Variants in KDM7A observed in about 807,000 individuals in gnomAD.
KDM7A encodes lysine-specific demethylase 7A.
A neutral mutation model predicts 114.8 loss-of-function variants in KDM7A; 28 were observed. The ratio of observed to expected loss-of-function variants is 0.24; its 90% confidence interval spans 0.18 to 0.33. The LOEUF is 0.33. Ranked by LOEUF, KDM7A falls within the 10% of genes least tolerant of loss-of-function variation. KDM7A has a pLI of 1.00. For synonymous variants in KDM7A, 423 were observed against 397.8 expected (o/e 1.06, Z -0.75); for missense variants, 942 against 1,142.5 (o/e 0.82, Z 2.53).
In KDM7A at chr7:140,113,544, C is replaced by T; in HGVS notation, c.1285G>A (p.Val429Ile). Residue 429 changes from valine to isoleucine, a missense_variant, in exon 10 of 20, where the codon GTA (valine) becomes ATA (isoleucine). Transcript: ENST00000397560. ...GTATGCAGTGCTTTCACTCCCTGTA[C>T]TAGGTAAGTTTGAGGCTGGAAACCA... is the stretch of plus-strand genomic sequence containing the variant. ...EDGFQPQTYL[V>I]QGVKALHTAL... 6.2e-7 allele frequency: 1 copy of T among 1,607,454 alleles called. No homozygotes were observed. Among genetic ancestry groups the T allele is most frequent in the Non-Finnish European group, 8.5e-7 (1 of 1,175,382 alleles).
At chr7:140,106,842 G>T (rs538082054) in intron 11 of KDM7A, among the ~76,000 whole-genome samples, 1 of 152,266 alleles carries the variant, frequency 6.6e-6, no homozygotes, top group South Asian at 2.1e-4. Context: ...GGATATTCTT[G>T]TTAACTTTCT....
chr7:140,141,809 G>A (rs527652179), intron 1 of KDM7A, among the ~76,000 whole-genome samples: 161 of 151,350 alleles, frequency 1.1e-3, no homozygotes, highest in African/African-American at 3.6e-3. Flanking sequence ...CAGGAGAATC[G>A]CTTGAACCCA....
intron 6 of KDM7A, among the ~76,000 whole-genome samples, chr7:140,126,423 T>C (rs1315019678): frequency 6.7e-6 from 1 of 148,286 alleles, no homozygotes; most frequent in Non-Finnish European, 1.5e-5. Context: ...GTAAATCTAA[T>C]ATAAATTTAA....
At chr7:140,170,717 T>TA (rs1794629350) in intron 1 of KDM7A, among the ~76,000 whole-genome samples, 2 of 152,200 alleles carry the variant, frequency 1.3e-5, no homozygotes, top group Admixed American at 1.3e-4. Context: ...TGAGATTCGA[T>TA]ATTTATCTCT....
chr7:140,129,601 G>T lies in KDM7A; in HGVS notation c.451C>A (p.Leu151Met). The stretch of plus-strand genomic sequence containing the variant: ...GGGACATCAAATCCATGTTTCTCCA[G>T]ATATCTTTGTGTCAGCTGGCTGCCA... ...MHGSQLTQRY[L>M]EKHGFDVPIM... Residue 151 changes from leucine to methionine, a missense_variant, in exon 4 of 20, where the codon CTG becomes ATG. This residue lies in a region of KDM7A where 318 missense variants were observed against 453.1 expected (regional missense o/e 0.70). Coordinates refer to ENST00000397560, the MANE Select transcript of KDM7A (RefSeq NM_030647.2). 6.2e-7 allele frequency: 1 copy of T among 1,610,674 alleles called. No homozygotes were observed. The highest frequency in any genetic ancestry group is 8.5e-7 in the Non-Finnish European group (1 of 1,177,036).
chr7:140,167,362 C>A (rs10952576), intron 1 of KDM7A, among the ~76,000 whole-genome samples: 38,736 of 152,026 alleles, frequency 0.25, 5,215 homozygotes, highest in Middle Eastern at 0.31. Context: ...ACTACAAAAG[C>A]CTCTGTAATT....
At chr7:140,098,787 T>C (rs1197138801) in intron 14 of KDM7A, 92 bp downstream of exon 14, 2 of 1,160,160 alleles carry the variant, frequency 1.7e-6, no homozygotes, top group African/African-American at 3.1e-5. Context: ...TCTGCTATTT[T>C]AAACTTAAGA....
intron 1 of KDM7A, among the ~76,000 whole-genome samples, chr7:140,160,842 A>G (rs1264674665): frequency 6.6e-6 from 1 of 152,198 alleles, no homozygotes; most frequent in Non-Finnish European, 1.5e-5. Context: ...AGCGCTGACT[A>G]CTTGGCATTT....
At chr7:140,134,559 CTTTT>C (rs536958807) in intron 2 of KDM7A, among the ~76,000 whole-genome samples, 1 of 145,392 alleles carries the variant, frequency 6.9e-6, no homozygotes, top group Non-Finnish European at 1.5e-5. Flanking sequence ...TGTTTTAAAT[CTTTT>C]TTTTTTTTAA....
chr7:140,156,340 G>A (rs180779979), intron 1 of KDM7A, among the ~76,000 whole-genome samples: 25 of 152,266 alleles, frequency 1.6e-4, no homozygotes, highest in African/African-American at 2.6e-4. Context: ...ACACAAACAC[G>A]ATTATCATGT....
At chr7:140,121,290 A>G (rs991008033) in intron 7 of KDM7A, among the ~76,000 whole-genome samples, 1 of 152,240 alleles carries the variant, frequency 6.6e-6, no homozygotes, top group African/African-American at 2.4e-5. Flanking sequence ...ATGTTGGCAG[A>G]CTTCAAGACT....
Position 140,089,902 on chromosome 7 carries a change from T to C in KDM7A, c.*1192A>G, listed in dbSNP as rs889575609. 1 of 152,230 alleles carries C rather than the reference T, an allele frequency of 6.6e-6. No homozygotes were observed. Among genetic ancestry groups the C allele is most frequent in the African/African-American group, 2.4e-5 (1 of 41,466 alleles). The allele number at this position is 152,230 out of a possible 1,614,324, so 9.4% of individuals were successfully genotyped here. A position where few individuals can be genotyped will look rare whatever the true frequency, so the allele number is the denominator to read the frequency against. On this transcript the variant is annotated 3_prime_UTR_variant, in exon 20 of 20. Coordinates refer to ENST00000397560, the MANE Select transcript of KDM7A (RefSeq NM_030647.2). ...TACACACAAAAGATCTATTCCAACA[T>C]GCTTGCTTCTATACAACTTAATGTA...
chr7:140,084,798 T>C lies in KDM7A; in HGVS notation c.*6296A>G, dbSNP rs1213950486. On this transcript the variant is annotated 3_prime_UTR_variant, in exon 20 of 20. Transcript: ENST00000397560. Reference sequence around the variant, plus strand: ...TTTCAAGGACGCATTTTATACAATTTTCAACATTTATACTTTCAAACAAAA... The same window carrying C: ...TTTCAAGGACGCATTTTATACAATTCTCAACATTTATACTTTCAAACAAAA... 1 of 152,166 alleles carries C rather than the reference T, an allele frequency of 6.6e-6. No individual in the cohort carries two copies. The highest frequency in any genetic ancestry group is 2.4e-5 in the African/African-American group (1 of 41,426). The allele number at this position is 152,166 out of a possible 1,614,324, so 9.4% of individuals were successfully genotyped here. A position where few individuals can be genotyped will look rare whatever the true frequency, so the allele number is the denominator to read the frequency against.
At chr7:140,139,902 T>C (rs1794241975) in intron 1 of KDM7A, among the ~76,000 whole-genome samples, 1 of 152,176 alleles carries the variant, frequency 6.6e-6, no homozygotes, top group Non-Finnish European at 1.5e-5. Flanking sequence ...AATTTCATGC[T>C]AAGAGATTTA....
At chr7:140,154,363 ATGTACC>A (rs1794434902) in intron 1 of KDM7A, among the ~76,000 whole-genome samples, 1 of 151,748 alleles carries the variant, frequency 6.6e-6, no homozygotes, top group Non-Finnish European at 1.5e-5. Flanking sequence ...GTATGGTGGC[ATGTACC>A]TGTAGCCCCA....
chr7:140,162,667 A>G (rs1339459054), intron 1 of KDM7A, among the ~76,000 whole-genome samples: 1 of 152,200 alleles, frequency 6.6e-6, no homozygotes, highest in East Asian at 1.9e-4. Context: ...ACAGAACATG[A>G]ATTTTAAACT....
chr7:140,096,451 T>C, intron 17 of KDM7A, 104 bp downstream of exon 17: 1 of 883,810 alleles, frequency 1.1e-6, no homozygotes, highest in Admixed American at 2.3e-5. Context: ...ACATTTCCAA[T>C]TAAAGATGCT....
chr7:140,155,306 A>T (rs1794446733), intron 1 of KDM7A, among the ~76,000 whole-genome samples: 1 of 152,134 alleles, frequency 6.6e-6, no homozygotes, highest in Non-Finnish European at 1.5e-5. Context: ...CAGCCATATG[A>T]TTTTCTTCTA....
rs538818095 is a variant in KDM7A, at chr7:140,158,861, T to TGATTG, written c.194+17878_194+17882dup. Among the ~76,000 whole-genome samples the TGATTG allele has an allele frequency of 1.8e-4, 28 of 152,256 alleles. 1 individual carries two copies. In the South Asian group the frequency reaches 5.4e-3, roughly 29 times the overall value. On this transcript the variant is annotated intron_variant, in intron 1 of 19. Coordinates refer to ENST00000397560, the MANE Select transcript of KDM7A (RefSeq NM_030647.2). ...CAATAGTGTGTTAACAATGAAAGCC[T>TGATTG]GATTGGATTGAGTACAAGAGAAAAT... is the stretch of plus-strand genomic sequence containing the variant.
Sources: allele counts gnomAD v4.1 joint callset (sites outside exome capture counted in the v4.1 genomes callset), GRCh38; gene constraint gnomAD v4.1.1; regional missense constraint gnomAD v4.1.1; transcripts MANE v1.5; gene names NCBI Gene and HGNC (gene_info 2026-07-23, HGNC 2026-07-21).